The following FARS2 variants were observed in gnomAD, a reference collection of about 807,000 sequenced individuals.
FARS2 encodes phenylalanyl-tRNA synthetase 2, mitochondrial, also known as phenylalanine--tRNA ligase, mitochondrial.
A neutral mutation model predicts 46.4 loss-of-function variants in FARS2; 40 were observed. That is an observed-to-expected ratio of 0.86 (90% CI 0.67 to 1.12). The LOEUF (loss-of-function observed/expected upper bound fraction) is 1.12. FARS2 is among the 50% of genes most tolerant of loss of function. The pLI is 0.00. For missense variants in FARS2, 513 were observed against 567.9 expected (o/e 0.90, Z 0.98); for synonymous variants, 234 against 214.9 (o/e 1.09, Z -0.78).
chr6:5,721,150 TATA>T (rs1450598884), intron 6 of FARS2, among the ~76,000 whole-genome samples: 3 of 152,242 alleles, frequency 2.0e-5, no homozygotes, highest in Admixed American at 2.0e-4. Context: ...ATTAACCTAA[TATA>T]ATTCTATGAA....
chr6:5,610,707 A>G (rs1287868201), intron 5 of FARS2, among the ~76,000 whole-genome samples: 1 of 152,220 alleles, frequency 6.6e-6, no homozygotes, highest in African/African-American at 2.4e-5. Context: ...TTAAGAAAAG[A>G]AATAAGAAAA....
chr6:5,589,703 T>C (rs1342881362), intron 5 of FARS2, among the ~76,000 whole-genome samples: 2 of 152,200 alleles, frequency 1.3e-5, no homozygotes, highest in Non-Finnish European at 2.9e-5. Flanking sequence ...GTTGCTGAGA[T>C]TGGACAGAGA....
chr6:5,411,890 G>C (rs1761959755), intron 3 of FARS2, among the ~76,000 whole-genome samples: 1 of 152,162 alleles, frequency 6.6e-6, no homozygotes, highest in African/African-American at 2.4e-5. Flanking sequence ...GTGCTTAGTA[G>C]ATCATTTCTT....
At chr6:5,441,813 C>T (rs145738366) in intron 4 of FARS2, among the ~76,000 whole-genome samples, 213 of 152,356 alleles carry the variant, frequency 1.4e-3, no homozygotes, top group African/African-American at 4.8e-3. Flanking sequence ...CTTTGGGTAT[C>T]ATCAAATTGT....
intron 1 of FARS2, among the ~76,000 whole-genome samples, chr6:5,269,738 G>T (rs1185148751): frequency 3.3e-5 from 5 of 152,176 alleles, no homozygotes; most frequent in Non-Finnish European, 7.3e-5. Context: ...CTTAAGATGT[G>T]CAATACTGAG....
chr6:5,339,519 C>T (rs950443157), intron 1 of FARS2, among the ~76,000 whole-genome samples: 6 of 152,052 alleles, frequency 3.9e-5, no homozygotes, highest in South Asian at 2.1e-4. Context: ...GCCTTGACCT[C>T]CTGGGCTCAA....
chr6:5,594,748 G>C (rs1362763399), intron 5 of FARS2, among the ~76,000 whole-genome samples: 1 of 152,200 alleles, frequency 6.6e-6, no homozygotes, highest in Non-Finnish European at 1.5e-5. Flanking sequence ...TCAGAGGAGG[G>C]ACCCGTGGGG....
At position 5,349,449 on chromosome 6, in the gene FARS2, GT is replaced by G. The variant is rs200835315; in HGVS notation, c.-21-19092del. Reference sequence around the variant, plus strand: ...CAATTCATATGAAAATATCAGCAAAGTTTTTTTTTCTTACAAACATCCTCGA... The same window carrying G: ...CAATTCATATGAAAATATCAGCAAAGTTTTTTTTCTTACAAACATCCTCGA... On this transcript the variant is annotated intron_variant, in intron 1 of 6. Coordinates refer to ENST00000274680, the MANE Select transcript of FARS2 (RefSeq NM_006567.5). Among the ~76,000 whole-genome samples the G allele has an allele frequency of 2.1e-4, 32 of 151,652 alleles. 1 individual carries two copies. The highest frequency in any genetic ancestry group is 1.6e-3 in the Admixed American group (24 of 15,190).
intron 1 of FARS2, among the ~76,000 whole-genome samples, chr6:5,297,467 G>A (rs1767972339): frequency 6.6e-6 from 1 of 152,188 alleles, no homozygotes; most frequent in Admixed American, 6.5e-5. Flanking sequence ...GGCCAACATG[G>A]TGAAACCTCA....
intron 6 of FARS2, among the ~76,000 whole-genome samples, chr6:5,705,560 G>A (rs1189317460): frequency 1.3e-5 from 2 of 152,230 alleles, no homozygotes; most frequent in South Asian, 4.1e-4. Flanking sequence ...CTCGATGGCA[G>A]CCTTGACACC....
At chr6:5,617,086 C>T (rs1251023969) in intron 6 of FARS2, among the ~76,000 whole-genome samples, 1 of 151,318 alleles carries the variant, frequency 6.6e-6, no homozygotes, top group Non-Finnish European at 1.5e-5. Flanking sequence ...TCCTGTGGAC[C>T]CAGGGACAGA....
intron 6 of FARS2, among the ~76,000 whole-genome samples, chr6:5,686,749 C>CT (rs1407258094): frequency 5.9e-5 from 9 of 152,082 alleles, no homozygotes; most frequent in African/African-American, 1.9e-4. Flanking sequence ...AATGGTATTT[C>CT]AGTTCTAGAT....
chr6:5,674,905 G>A (rs943097212), intron 6 of FARS2, among the ~76,000 whole-genome samples: 1 of 152,164 alleles, frequency 6.6e-6, no homozygotes, highest in Admixed American at 6.5e-5. Context: ...CATTGAGACC[G>A]AACAGGCAAA....
chr6:5,423,851 A>G (rs148135171), intron 3 of FARS2, among the ~76,000 whole-genome samples: 3 of 152,292 alleles, frequency 2.0e-5, no homozygotes, highest in African/African-American at 7.2e-5. Context: ...GGCCCTAGAT[A>G]GGGATGAAGT....
At chr6:5,529,298 C>G (rs1381355321) in intron 4 of FARS2, among the ~76,000 whole-genome samples, 1 of 152,070 alleles carries the variant, frequency 6.6e-6, no homozygotes, top group Non-Finnish European at 1.5e-5. Context: ...TGTACAAAAA[C>G]AAGTCACAGT....
chr6:5,734,936 AATTC>A (rs1466578995), intron 6 of FARS2, among the ~76,000 whole-genome samples: 1 of 152,190 alleles, frequency 6.6e-6, no homozygotes, highest in African/African-American at 2.4e-5. Context: ...GTAGGTAGTT[AATTC>A]TTCTTCTCAC....
intron 5 of FARS2, among the ~76,000 whole-genome samples, chr6:5,579,385 C>T (rs1360480315): frequency 2.6e-5 from 4 of 152,046 alleles, no homozygotes; most frequent in African/African-American, 4.8e-5. Context: ...CTCAGCCTCC[C>T]GAGTAGCAGG....
At chr6:5,739,019 C>T (rs1425094639) in intron 6 of FARS2, among the ~76,000 whole-genome samples, 1 of 152,194 alleles carries the variant, frequency 6.6e-6, no homozygotes, top group Non-Finnish European at 1.5e-5. Context: ...ATCACACCTG[C>T]TCTCCTTACC....
At chr6:5,404,407 T>C in intron 2 of FARS2, 135 bp from the exon 3 acceptor site, 1 of 504,780 alleles carries the variant, frequency 2.0e-6, no homozygotes, top group Non-Finnish European at 3.5e-6. Flanking sequence ...ATTACGTTTA[T>C]TGACAGGACA....
Sources: allele counts gnomAD v4.1 joint callset (sites outside exome capture counted in the v4.1 genomes callset), GRCh38; gene constraint gnomAD v4.1.1; transcripts MANE v1.5; gene names NCBI Gene and HGNC (gene_info 2026-07-23, HGNC 2026-07-21).